The following COG6 variants were observed in gnomAD, a reference collection of about 807,000 sequenced individuals.
The protein encoded by COG6 is conserved oligomeric Golgi complex subunit 6.
COG6 carries 74 observed loss-of-function variants against 88.8 expected under a neutral mutation model. That is an observed-to-expected ratio of 0.83 (90% CI 0.69 to 1.01). The LOEUF is 1.01. Ranked by LOEUF, COG6 falls within the 50% of genes least tolerant of loss-of-function variation. The pLI, the probability that COG6 is intolerant of heterozygous loss-of-function variation, is 0.00. For missense variants in COG6, 800 were observed against 797.9 expected, an observed-to-expected ratio of 1.00 and a Z score of -0.03; for synonymous variants, 286 against 278.7, an observed-to-expected ratio of 1.03 and a Z score of -0.26.
intron 12 of COG6, among the ~76,000 whole-genome samples, chr13:39,696,226 GT>G (rs1281187667): frequency 2.6e-5 from 4 of 151,788 alleles, no homozygotes; most frequent in African/African-American, 4.8e-5. Flanking sequence ...CAATTAAACA[GT>G]TGACTGTATA....
chr13:39,679,250 C>T (rs1046014658), intron 5 of COG6: 4 of 398,916 alleles, frequency 1.0e-5, no homozygotes, highest in African/African-American at 6.1e-5. Context: ...AGACTACGTA[C>T]ACTTCTTGAG....
chr13:39,684,243 A>AGTTTTTTTT (rs1876491559), intron 8 of COG6, among the ~76,000 whole-genome samples: 1 of 67,382 alleles, frequency 1.5e-5, no homozygotes, highest in African/African-American at 6.7e-5. Flanking sequence ...AATTTGGAAG[A>AGTTTTTTTT]TTTTTTTTTT....
In COG6 at chr13:39,724,495, TTTTTTTA is replaced by T. The variant is rs767419380; in HGVS notation, c.1693-12_1693-6del. ...CATCTTGGATCTGCTTTTTTTTTTT[TTTTTTTA>T]AATAGGGCTCTTTAGCTAATATGCC... On this transcript the variant is annotated splice_region_variant and splice_polypyrimidine_tract_variant and intron_variant, in intron 16 of 18. Transcript: ENST00000455146. 3 of 1,540,122 alleles carry T rather than the reference TTTTTTTA, an allele frequency of 1.9e-6. No homozygotes were observed. The highest frequency in any genetic ancestry group is 2.6e-6 in the Non-Finnish European group (3 of 1,136,734).
chr13:39,700,463 A>T (rs1489726530), intron 13 of COG6, among the ~76,000 whole-genome samples: 1 of 151,856 alleles, frequency 6.6e-6, no homozygotes, highest in African/African-American at 2.4e-5. Flanking sequence ...AAGCAACATG[A>T]ATTTGTGGAG....
intron 18 of COG6, among the ~76,000 whole-genome samples, chr13:39,757,904 T>C (rs1301040588): frequency 2.0e-5 from 3 of 152,004 alleles, no homozygotes; most frequent in African/African-American, 7.2e-5. Context: ...GTATCCAAAA[T>C]AAACTCTTGC....
At chr13:39,753,072 A>C (rs549440566), downstream of COG6, among the ~76,000 whole-genome samples, 1 of 152,356 alleles carries the variant, frequency 6.6e-6, no homozygotes, top group African/African-American at 2.4e-5. Flanking sequence ...TCATGATTAC[A>C]GTGTTCAAAT....
At chr13:39,725,859 T>G (rs1879107566) in intron 17 of COG6, among the ~76,000 whole-genome samples, 1 of 151,878 alleles carries the variant, frequency 6.6e-6, no homozygotes, top group East Asian at 1.9e-4. Context: ...CTTCAAGATA[T>G]TTACCCCCCA....
At chr13:39,765,951 G>A (rs1440999961) in intron 18 of COG6, among the ~76,000 whole-genome samples, 2 of 152,234 alleles carry the variant, frequency 1.3e-5, no homozygotes, top group Non-Finnish European at 2.9e-5. Context: ...CCAAGTGCCT[G>A]TAGGGAGGGT....
At chr13:39,748,564 A>C (rs1880460683) in intron 18 of COG6, among the ~76,000 whole-genome samples, 1 of 152,046 alleles carries the variant, frequency 6.6e-6, no homozygotes, top group Non-Finnish European at 1.5e-5. Flanking sequence ...GCAGTGAGCC[A>C]AGATCATGCC....
rs1876756597 is a variant in COG6, at chr13:39,687,861, T to C, written c.1009+62T>C. The C allele has an allele frequency of 7.6e-6, 9 of 1,177,176 alleles. No individual in the cohort carries two copies. In the South Asian group the frequency reaches 1.1e-4, roughly 15 times the overall value. 72.9% of individuals were successfully genotyped at this position (1,177,176 alleles called of 1,614,324 possible). On this transcript the variant is annotated intron_variant, in intron 10 of 18. Transcript: ENST00000455146. ...AGAAAATAACACAAGCATCTCTGTT[T>C]CTGTTCTTGTTGCCATCTTCTTCAC... is the stretch of plus-strand genomic sequence containing the variant.
intron 11 of COG6, among the ~76,000 whole-genome samples, chr13:39,693,221 CAA>C (rs1295304778): frequency 6.6e-6 from 1 of 151,944 alleles, no homozygotes; most frequent in African/African-American, 2.4e-5. Context: ...CACTTTCCCT[CAA>C]AACCTTTATA....
chr13:39,676,895 A>G (rs991210075), intron 4 of COG6, among the ~76,000 whole-genome samples: 1 of 152,166 alleles, frequency 6.6e-6, no homozygotes, highest in Non-Finnish European at 1.5e-5. Context: ...TTGCACTCAT[A>G]TAATTTAAAA....
intron 3 of COG6, among the ~76,000 whole-genome samples, chr13:39,664,618 A>G (rs1214036005): frequency 6.6e-6 from 1 of 152,210 alleles, no homozygotes; most frequent in Admixed American, 6.5e-5. Flanking sequence ...ATCCTCACCA[A>G]AAACTTATAT....
Position 39,752,464 on chromosome 13 carries a change from A to C in COG6, c.*1371A>C. On this transcript the variant is annotated 3_prime_UTR_variant, in exon 19 of 19. Transcript: ENST00000455146. Reference sequence around the variant, plus strand: ...TTTCCCTTTGATTAGTATGTGTTACATATAAAGACAGAAAATAAAGTATAA... The same window carrying C: ...TTTCCCTTTGATTAGTATGTGTTACCTATAAAGACAGAAAATAAAGTATAA... The C allele has an allele frequency of 9.2e-7, 1 of 1,088,254 alleles. No individual in the cohort carries two copies. The highest frequency in any genetic ancestry group is 1.2e-6 in the Non-Finnish European group (1 of 829,938). The allele number at this position is 1,088,254 out of a possible 1,614,324, so 67.4% of individuals were successfully genotyped here.
In COG6 at chr13:39,752,025, G is replaced by A; in HGVS notation, c.*932G>A. On this transcript the variant is annotated 3_prime_UTR_variant, in exon 19 of 19. Coordinates refer to ENST00000455146, the MANE Select transcript of COG6 (RefSeq NM_020751.3). ...AGAGGAGGAGTTGCCAATTGGCAGT[G>A]TGTCTTATCTCCATGTTGTAACTGG... 1 of 1,279,134 alleles carries A rather than the reference G, an allele frequency of 7.8e-7. No individual in the cohort carries two copies. Among genetic ancestry groups the A allele is most frequent in the South Asian group, 1.2e-5 (1 of 80,802 alleles). 79.2% of individuals were successfully genotyped at this position (1,279,134 alleles called of 1,614,324 possible).
intron 18 of COG6, among the ~76,000 whole-genome samples, chr13:39,743,731 G>A (rs889020940): frequency 6.6e-6 from 1 of 152,068 alleles, no homozygotes; most frequent in Non-Finnish European, 1.5e-5. Flanking sequence ...GAAAAAGAGG[G>A]AATCCTCCCT....
At chr13:39,660,920 A>G in intron 3 of COG6, 39 bp downstream of exon 3, 1 of 1,187,914 alleles carries the variant, frequency 8.4e-7, no homozygotes, top group Non-Finnish European at 1.3e-6. Flanking sequence ...AGTTCCTGAT[A>G]TAAACTTACA....
chr13:39,758,517 A>C (rs1314718162), intron 18 of COG6, among the ~76,000 whole-genome samples: 2 of 152,330 alleles, frequency 1.3e-5, no homozygotes, highest in African/African-American at 4.8e-5. Context: ...TCATTAGGGA[A>C]ATGCAAGTCA....
chr13:39,774,720 G>A (rs1465584096), intron 18 of COG6, among the ~76,000 whole-genome samples: 1 of 151,906 alleles, frequency 6.6e-6, no homozygotes, highest in African/African-American at 2.4e-5. Context: ...GATTACAGGT[G>A]CATGCCACCA....
Sources: allele counts gnomAD v4.1 joint callset (sites outside exome capture counted in the v4.1 genomes callset), GRCh38; gene constraint gnomAD v4.1.1; transcripts MANE v1.5; gene names NCBI Gene and HGNC (gene_info 2026-07-23, HGNC 2026-07-21).